The following CERKL variants were observed in gnomAD, a reference collection of about 807,000 sequenced individuals.
CERKL encodes the protein ceramide kinase-like protein.
In CERKL, 61 loss-of-function variants were observed where a neutral mutation model predicts 63.4. The ratio of observed to expected loss-of-function variants is 0.96; its 90% CI spans 0.78 to 1.19. CERKL has a LOEUF of 1.19. Ranked by LOEUF, CERKL falls within the 50% of genes most tolerant of loss-of-function variation. The probability of loss-of-function intolerance (pLI) is 0.00; values close to 1 mark genes in which losing one functional copy is unlikely to be tolerated. For synonymous variants in CERKL, 250 were observed against 230.5 expected, an observed-to-expected ratio of 1.08 and a Z score of -0.77; for missense variants, 675 against 655.5, an observed-to-expected ratio of 1.03 and a Z score of -0.33.
chr2:181,548,333 GGGAA>G, intron 8 of CERKL: 1 of 584,714 alleles, frequency 1.7e-6, no homozygotes, highest in Non-Finnish European at 3.0e-6. Context: ...GAGAGACAGG[GGGAA>G]GGAAGGGAGG....
At position 181,537,672 on chromosome 2, in the gene CERKL, A is replaced by T. The variant is rs200675283; in HGVS notation, c.*512T>A. 1.2e-5 allele frequency: 5 copies of T among 433,856 alleles called. No homozygotes were observed. The highest frequency in any genetic ancestry group is 8.4e-5 in the South Asian group (5 of 59,748). 26.9% of individuals were successfully genotyped at this position (433,856 alleles called of 1,614,324 possible). On this transcript the variant is annotated 3_prime_UTR_variant, in exon 13 of 13. Coordinates refer to ENST00000410087, the MANE Select transcript of CERKL (RefSeq NM_201548.5). ...AAAGAATCCAAATTATTTCAGAATT[A>T]TCTAGGTTAAATATTGATGTATTAT...
chr2:181,560,018 G>T (rs1280943850), intron 4 of CERKL, among the ~76,000 whole-genome samples: 1 of 152,146 alleles, frequency 6.6e-6, no homozygotes, highest in African/African-American at 2.4e-5. Context: ...GAAAAGGAAT[G>T]ATGTTTACTA....
chr2:181,617,483 A>G (rs1686248559), intron 1 of CERKL: 1 of 152,260 alleles, frequency 6.6e-6, no homozygotes, highest in Admixed American at 6.5e-5. Flanking sequence ...TGTCAATGAT[A>G]AAATATAAAG....
intron 1 of CERKL, among the ~76,000 whole-genome samples, chr2:181,622,554 C>T (rs542031568): frequency 6.6e-6 from 1 of 151,746 alleles, no homozygotes; most frequent in East Asian, 1.9e-4. Flanking sequence ...TTTCATAAAA[C>T]CCCCCAAAAG....
chr2:181,592,748 T>A (rs777551716), intron 2 of CERKL, among the ~76,000 whole-genome samples: 1 of 152,188 alleles, frequency 6.6e-6, no homozygotes, highest in Non-Finnish European at 1.5e-5. Context: ...TATAGCTGCA[T>A]GACCTTATCT....
intron 3 of CERKL, among the ~76,000 whole-genome samples, chr2:181,570,509 C>G (rs1406749511): frequency 6.6e-6 from 1 of 152,170 alleles, no homozygotes; most frequent in South Asian, 2.1e-4. Flanking sequence ...ATCGTTCATA[C>G]TCTTCTTTGA....
rs548156601 is a variant in CERKL, at chr2:181,558,229, T to C, written c.820+337A>G. On this transcript the variant is annotated intron_variant, in intron 5 of 12. Coordinates refer to ENST00000410087, the MANE Select transcript of CERKL (RefSeq NM_201548.5). This position sits in a 1 kb window ranked among gnomAD's most constrained non-coding sequence, Gnocchi z 4.2. ...AAACTTCTTACCTGGTACTGTGTAA[T>C]CAACAGATTTTTTATGCGAAGGGAG... Among the ~76,000 whole-genome samples, 1 of 152,258 alleles carries C rather than the reference T, an allele frequency of 6.6e-6. No homozygotes were observed. The highest frequency in any genetic ancestry group is 2.1e-4 in the South Asian group (1 of 4,828).
intron 1 of CERKL, among the ~76,000 whole-genome samples, chr2:181,642,376 T>C (rs1687479819): frequency 6.6e-6 from 1 of 152,222 alleles, no homozygotes; most frequent in Non-Finnish European, 1.5e-5. Context: ...ACTTAGAATA[T>C]ACTTTGCTCT....
In CERKL at chr2:181,558,805, T is replaced by C; in HGVS notation, c.678-97A>G. The C allele has an allele frequency of 8.0e-7, 1 of 1,244,390 alleles. No individual in the cohort carries two copies. Among genetic ancestry groups the C allele is most frequent in the South Asian group, 1.2e-5 (1 of 80,342 alleles). The allele number at this position is 1,244,390 out of a possible 1,614,324, so 77.1% of individuals were successfully genotyped here. A position where few individuals can be genotyped will look rare whatever the true frequency, so the allele number is the denominator to read the frequency against. Reference sequence around the variant, plus strand: ...TTCAAAATAGTTTACTAATTTGTAGTCTATGTGCATAACTGCTCACATGTA... The same window carrying C: ...TTCAAAATAGTTTACTAATTTGTAGCCTATGTGCATAACTGCTCACATGTA... On this transcript the variant is annotated intron_variant, in intron 4 of 12. Transcript: ENST00000410087. The surrounding 1 kb of genome is among the most constrained non-coding windows in gnomAD (Gnocchi z 4.2).
At position 181,584,055 on chromosome 2, in the gene CERKL, T is replaced by C. The variant is rs143435449; in HGVS notation, c.482-10171A>G. On this transcript the variant is annotated intron_variant, in intron 2 of 12. Transcript: ENST00000410087. Reference sequence around the variant, plus strand: ...TATCAACAATTTACTTTAGAACACATTGGCAGAATAAAATGTTTGAAGCAG... The same window carrying C: ...TATCAACAATTTACTTTAGAACACACTGGCAGAATAAAATGTTTGAAGCAG... 7.8e-4 allele frequency among the ~76,000 whole-genome samples: 119 copies of C among 152,312 alleles called. 2 individuals are homozygous for C. The East Asian group carries it at 0.021, about 27-fold the overall frequency.
At position 181,577,112 on chromosome 2, in the gene CERKL, T is replaced by C. The variant is rs150455674; in HGVS notation, c.482-3228A>G. ...ATAACAGGTTCCCAGGTGCTGACGA[T>C]GTCTGCAAAGGGGCCACATTTTGAG... On this transcript the variant is annotated intron_variant, in intron 2 of 12. Transcript: ENST00000410087. Among the ~76,000 whole-genome samples, 833 of 152,310 alleles carry C rather than the reference T, an allele frequency of 5.5e-3. 8 individuals carry two copies. Among genetic ancestry groups the C allele is most frequent in the African/African-American group, 0.018 (760 of 41,572 alleles).
chr2:181,556,291 G>A (rs1436347002), intron 5 of CERKL, among the ~76,000 whole-genome samples: 3 of 151,806 alleles, frequency 2.0e-5, no homozygotes, highest in African/African-American at 4.8e-5. Flanking sequence ...TGTGCACAAT[G>A]TGCAGGTTTG....
Position 181,536,748 on chromosome 2 carries a change from T to TAAAAAATTTCTTTAAATA in CERKL, c.*1418_*1435dup, listed in dbSNP as rs1553510735. On this transcript the variant is annotated 3_prime_UTR_variant, in exon 13 of 13. Transcript: ENST00000410087. Reference sequence around the variant, plus strand: ...CTATTTTAAATGACTTTCTGGATTTTAAAAAATTTCTTTAAATACAATCAT... The same window carrying TAAAAAATTTCTTTAAATA: ...CTATTTTAAATGACTTTCTGGATTTTAAAAAATTTCTTTAAATAAAAAAATTTCTTTAAATACAATCAT... The TAAAAAATTTCTTTAAATA allele has an allele frequency of 1.2e-5, 3 of 248,612 alleles. No homozygotes were observed. The highest frequency in any genetic ancestry group is 6.9e-5 in the African/African-American group (3 of 43,604). The allele number at this position is 248,612 out of a possible 1,614,324, so 15.4% of individuals were successfully genotyped here. A position where few individuals can be genotyped will look rare whatever the true frequency, so the allele number is the denominator to read the frequency against.
intron 2 of CERKL, among the ~76,000 whole-genome samples, chr2:181,582,538 T>TATATATATATA (rs1559089065): frequency 7.1e-6 from 1 of 141,724 alleles, no homozygotes; most frequent in African/African-American, 2.7e-5. Flanking sequence ...TATATATATG[T>TATATATATATA]TTTTTTTTTT....
chr2:181,607,598 T>G (rs1194112817), intron 1 of CERKL, among the ~76,000 whole-genome samples: 1 of 152,180 alleles, frequency 6.6e-6, no homozygotes, highest in East Asian at 1.9e-4. Flanking sequence ...TCACAGCAAA[T>G]CATTGGTGGT....
Position 181,538,198 on chromosome 2 carries a change from TTTC to T in CERKL, c.1582_1584del (p.Glu528del). 2 of 1,582,098 alleles carry T rather than the reference TTTC, an allele frequency of 1.3e-6. No individual in the cohort carries two copies. Among genetic ancestry groups the T allele is most frequent in the Non-Finnish European group, 1.7e-6 (2 of 1,152,082 alleles). On this transcript the variant is annotated inframe_deletion, in exon 13 of 13. Coordinates refer to ENST00000410087, the MANE Select transcript of CERKL (RefSeq NM_201548.5). The stretch of plus-strand genomic sequence containing the variant: ...ACAATTACATGTTACTTTGGAATCA[TTTC>T]TTCCATGCTTCCTCCATAAAGACTG...
intron 1 of CERKL, among the ~76,000 whole-genome samples, chr2:181,604,972 T>A (rs1367376191): frequency 6.6e-6 from 1 of 152,214 alleles, no homozygotes; most frequent in African/African-American, 2.4e-5. Flanking sequence ...AGAAGTGTTT[T>A]AGACCTTAAA....
At chr2:181,561,666 T>C (rs552983762) in intron 4 of CERKL, among the ~76,000 whole-genome samples, 11 of 152,264 alleles carry the variant, frequency 7.2e-5, no homozygotes, top group Admixed American at 1.3e-4. Flanking sequence ...CAGGAGAGAT[T>C]TAACTAAGAG....
Position 181,576,439 on chromosome 2 carries a change from T to C in CERKL, c.482-2555A>G, listed in dbSNP as rs142644862. On this transcript the variant is annotated intron_variant, in intron 2 of 12. Transcript: ENST00000410087. ...GATTCTTGATTGGGTTTTTAAAATA[T>C]CATGCAGGACAATATTGCTGTCCTT... Among the ~76,000 whole-genome samples the C allele has an allele frequency of 2.8e-3, 421 of 152,340 alleles. 2 individuals carry two copies. Among genetic ancestry groups the C allele is most frequent in the Non-Finnish European group, 4.7e-3 (321 of 68,022 alleles).
Sources: gnomAD v4.1 joint callset for allele counts (sites outside exome capture counted in the v4.1 genomes callset) on GRCh38, gnomAD v4.1.1 for gene constraint, Gnocchi (gnomAD v3.1) non-coding constraint, MANE v1.5 for transcripts, NCBI Gene and HGNC (gene_info 2026-07-23, HGNC 2026-07-21) for gene names.